WDFY3: variants seen among roughly 807,000 people sequenced by gnomAD.
The protein encoded by WDFY3 is WD repeat and FYVE domain containing 3, also known as WD repeat and FYVE domain-containing protein 3.
In WDFY3, 66 loss-of-function variants were observed where a neutral mutation model predicts 409.6. That is an observed-to-expected ratio of 0.16 (90% confidence interval 0.13 to 0.20). The LOEUF is 0.20. Ranked by LOEUF, WDFY3 falls within the 10% of genes least tolerant of loss-of-function variation. WDFY3 has a pLI of 1.00. For synonymous variants in WDFY3, 1,521 were observed against 1,537.1 expected, an observed-to-expected ratio of 0.99 and a Z score of 0.25; for missense variants, 3,031 against 4,298.1, an observed-to-expected ratio of 0.71 and a Z score of 8.24.
At chr4:84,678,505 GAGA>G (rs778692111) in intron 65 of WDFY3, among the ~76,000 whole-genome samples, 3 of 152,318 alleles carry the variant, frequency 2.0e-5, no homozygotes, top group South Asian at 4.1e-4. Flanking sequence ...ACAAACTAAT[GAGA>G]AGGAGAAATT....
intron 1 of WDFY3, among the ~76,000 whole-genome samples, chr4:84,957,697 G>C (rs1425857054): frequency 6.6e-6 from 1 of 152,164 alleles, no homozygotes; most frequent in Non-Finnish European, 1.5e-5. Flanking sequence ...CCAAAGCCCT[G>C]CACCACTGCA....
chr4:84,850,369 AGT>A (rs1758733972), intron 4 of WDFY3, among the ~76,000 whole-genome samples: 1 of 151,778 alleles, frequency 6.6e-6, no homozygotes, highest in Non-Finnish European at 1.5e-5. Flanking sequence ...CCTAGGCTGG[AGT>A]GTAGTGGCAC....
chr4:84,843,230 T>C (rs988342326), intron 5 of WDFY3, among the ~76,000 whole-genome samples: 1 of 152,204 alleles, frequency 6.6e-6, no homozygotes, highest in Non-Finnish European at 1.5e-5. Context: ...GGTTGAATGA[T>C]ACAGGGAGAT....
chr4:84,735,173 ATAGT>A lies in WDFY3; in HGVS notation c.6916-57_6916-54del. On this transcript the variant is annotated intron_variant, in intron 42 of 67. Coordinates refer to ENST00000295888, the MANE Select transcript of WDFY3 (RefSeq NM_014991.6). ...ATATTTCATGGATTTCTGGAAAAAA[ATAGT>A]TAATTACCCTTGAAATTAATGCTAA... 2.7e-6 allele frequency: 4 copies of A among 1,490,130 alleles called. No individual in the cohort carries two copies. The South Asian group carries it at 4.7e-5, about 17-fold the overall frequency. The allele number at this position is 1,490,130 out of a possible 1,614,324, so 92.3% of individuals were successfully genotyped here.
At chr4:84,733,333 A>T in intron 44 of WDFY3, 49 bp downstream of exon 44, 1 of 1,572,746 alleles carries the variant, frequency 6.4e-7, no homozygotes, top group Non-Finnish European at 8.6e-7. Flanking sequence ...TACAGAGGAA[A>T]ATAAAAACTT....
In WDFY3 at chr4:84,809,753, T is replaced by G. The variant is rs939737235; in HGVS notation, c.2345+134A>C. 14 of 797,690 alleles carry G rather than the reference T, an allele frequency of 1.8e-5. No individual in the cohort carries two copies. The African/African-American group carries it at 2.3e-4, about 13-fold the overall frequency. The allele number at this position is 797,690 out of a possible 1,614,324, so 49.4% of individuals were successfully genotyped here. ...GCAAGAGTAATATTCAAAAATAAAG[T>G]GATACACTTCAAACAAATAGGAGAA... On this transcript the variant is annotated intron_variant, in intron 14 of 67. Transcript: ENST00000295888.
chr4:84,744,657 T>C (rs958229513), intron 36 of WDFY3, among the ~76,000 whole-genome samples: 2 of 151,008 alleles, frequency 1.3e-5, no homozygotes, highest in Non-Finnish European at 1.5e-5. Context: ...ATCGAGGCCA[T>C]CCCGGCTAAA....
intron 24 of WDFY3, among the ~76,000 whole-genome samples, chr4:84,783,858 T>TACACAC (rs1265652566): frequency 1.5e-5 from 2 of 129,718 alleles, no homozygotes; most frequent in Non-Finnish European, 3.2e-5. Context: ...ATATGTGTCA[T>TACACAC]ACATACACAC....
chr4:84,799,309 A>G (rs1251298154), intron 17 of WDFY3, among the ~76,000 whole-genome samples: 1 of 150,692 alleles, frequency 6.6e-6, no homozygotes, highest in African/African-American at 2.4e-5. Context: ...GGCACACGCC[A>G]CCATGCTAGT....
intron 2 of WDFY3, among the ~76,000 whole-genome samples, chr4:84,924,677 C>G (rs921917865): frequency 1.3e-5 from 2 of 152,194 alleles, no homozygotes; most frequent in African/African-American, 4.8e-5. Context: ...TCTGCTCTTT[C>G]ACCTACACAT....
At chr4:84,847,642 C>T (rs1269280149) in intron 5 of WDFY3, among the ~76,000 whole-genome samples, 2 of 146,578 alleles carry the variant, frequency 1.4e-5, no homozygotes, top group Non-Finnish European at 3.0e-5. Context: ...GGCATGGTGG[C>T]ACGTGCCTGT....
At chr4:84,728,864 T>A (rs1214575065) in intron 44 of WDFY3, among the ~76,000 whole-genome samples, 1 of 152,212 alleles carries the variant, frequency 6.6e-6, no homozygotes, top group East Asian at 1.9e-4. Context: ...TTACTATAAT[T>A]CTTTACCTAG....
At chr4:84,876,034 T>C (rs572679147) in intron 3 of WDFY3, among the ~76,000 whole-genome samples, 1 of 152,376 alleles carries the variant, frequency 6.6e-6, no homozygotes, top group Admixed American at 6.5e-5. Context: ...TTATCATGTA[T>C]TACATGATTT....
intron 53 of WDFY3, 40 bp from the exon 54 acceptor site, chr4:84,705,551 ACTAT>A: frequency 1.3e-6 from 2 of 1,487,442 alleles, no homozygotes; most frequent in Non-Finnish European, 1.9e-6. Flanking sequence ...GTTACTATAC[ACTAT>A]CTAGCCTCAC....
chr4:84,766,051 A>G, intron 31 of WDFY3, 24 bp from the exon 32 acceptor site: 2 of 1,583,042 alleles, frequency 1.3e-6, no homozygotes, highest in Non-Finnish European at 1.7e-6. Flanking sequence ...ATGGATTTAA[A>G]AAACAAAAAA....
At chr4:84,866,567 T>G (rs1009137542) in intron 3 of WDFY3, among the ~76,000 whole-genome samples, 2 of 152,208 alleles carry the variant, frequency 1.3e-5, no homozygotes, top group South Asian at 2.1e-4. Flanking sequence ...TTCATCTGCA[T>G]AGGGCACCAA....
chr4:84,883,955 T>C (rs186355904), intron 3 of WDFY3, among the ~76,000 whole-genome samples: 2 of 152,156 alleles, frequency 1.3e-5, no homozygotes, highest in South Asian at 2.1e-4. Context: ...ATAAAATATA[T>C]ATGTATGTTT....
intron 47 of WDFY3, among the ~76,000 whole-genome samples, chr4:84,720,954 G>A (rs944475611): frequency 2.0e-5 from 3 of 152,200 alleles, no homozygotes; most frequent in Non-Finnish European, 4.4e-5. Flanking sequence ...GGTTGAGCAA[G>A]AAATAGGAAG....
intron 2 of WDFY3, among the ~76,000 whole-genome samples, chr4:84,917,005 C>T (rs4544703): frequency 0.067 from 10,132 of 151,808 alleles, 462 homozygotes; most frequent in Admixed American, 0.12. Context: ...ATACATGAAA[C>T]GAAGTATATA....
Sources: gnomAD v4.1 joint callset for allele counts (sites outside exome capture counted in the v4.1 genomes callset) on GRCh38, gnomAD v4.1.1 for gene constraint, MANE v1.5 for transcripts, NCBI Gene and HGNC (gene_info 2026-07-23, HGNC 2026-07-21) for gene names.